The following ABCG5 variants were observed in gnomAD, a reference collection of about 807,000 sequenced individuals.
ABCG5 encodes ATP binding cassette subfamily G member 5, also known as ATP-binding cassette sub-family G member 5.
ABCG5 carries 64 observed loss-of-function variants against 64.5 expected under a neutral mutation model. The observed-to-expected ratio is 0.99, with a 90% confidence interval of 0.81 to 1.22. The LOEUF is 1.22. Ranked by LOEUF, ABCG5 falls within the 50% of genes most tolerant of loss-of-function variation. ABCG5 has a pLI of 0.00. For synonymous variants in ABCG5, 385 were observed against 326.3 expected, an observed-to-expected ratio of 1.18 and a Z score of -1.94; for missense variants, 908 against 829.5, an observed-to-expected ratio of 1.09 and a Z score of -1.16.
chr2:43,810,491 A>G (rs773997133), downstream of ABCG5: 66 of 985,438 alleles, frequency 6.7e-5, no homozygotes, highest in Non-Finnish European at 8.0e-5. Context: ...TCCAATCTGT[A>G]GATGTGTGTA....
At chr2:43,839,088 C>G, upstream of ABCG5, 1 of 1,551,174 alleles carries the variant, frequency 6.4e-7, no homozygotes, top group Middle Eastern at 1.7e-4. Context: ...AGAGGGCTGC[C>G]GAAAGGGGCC....
intron 11 of ABCG5, among the ~76,000 whole-genome samples, chr2:43,816,223 G>T (rs1319648551): frequency 6.6e-6 from 1 of 152,214 alleles, no homozygotes; most frequent in Non-Finnish European, 1.5e-5. Context: ...GGCCTAATTG[G>T]TCCAAGGCCT....
rs759639887 is a variant in ABCG5, at chr2:43,837,998, T to C, written c.144-43A>G. On this transcript the variant is annotated intron_variant, in intron 1 of 12. Coordinates refer to ENST00000405322, the MANE Select transcript of ABCG5 (RefSeq NM_022436.3). ...GGAAGGCAAAGGCAGCTTGGGGCCC[T>C]GGAAGGGGCCACACCCAGGTCCCCA... 19 of 1,612,374 alleles carry C rather than the reference T, an allele frequency of 1.2e-5. No individual in the cohort carries two copies. The South Asian group carries it at 2.1e-4, about 18-fold the overall frequency.
At chr2:43,818,217 C>G (rs538904166) in intron 11 of ABCG5, among the ~76,000 whole-genome samples, 1 of 151,978 alleles carries the variant, frequency 6.6e-6, no homozygotes, top group Non-Finnish European at 1.5e-5. Flanking sequence ...TTTGGGAGGC[C>G]GAGGTGGGCG....
chr2:43,825,140 G>A (rs1667514887), intron 6 of ABCG5, 122 bp from the exon 7 acceptor site: 1 of 1,211,738 alleles, frequency 8.3e-7, no homozygotes, highest in Non-Finnish European at 1.2e-6. Context: ...AAGTCCTTAT[G>A]GGAAATGCAT....
intron 5 of ABCG5, 85 bp downstream of exon 5, chr2:43,827,898 G>A: frequency 5.1e-6 from 8 of 1,580,894 alleles, no homozygotes; most frequent in Non-Finnish European, 6.9e-6. Context: ...TCCAAATGAG[G>A]ACCGTGAAGA....
intron 10 of ABCG5, 87 bp from the exon 11 acceptor site, chr2:43,820,187 G>A: frequency 1.3e-6 from 2 of 1,486,178 alleles, no homozygotes; most frequent in Non-Finnish European, 1.8e-6. Flanking sequence ...TAAATCCTTT[G>A]TGGTGAGTGG....
upstream of ABCG5, chr2:43,838,903 G>A (rs1668452328): frequency 1.7e-6 from 2 of 1,169,456 alleles, no homozygotes; most frequent in African/African-American, 3.1e-5. The surrounding 1 kb of genome is among the most constrained non-coding windows in gnomAD (Gnocchi z 4.2). Flanking sequence ...TTTGTAGGTG[G>A]GCTTGCCAGC....
At chr2:43,837,357 G>A (rs559530865) in intron 2 of ABCG5, among the ~76,000 whole-genome samples, 1 of 152,224 alleles carries the variant, frequency 6.6e-6, no homozygotes, top group East Asian at 1.9e-4. Flanking sequence ...CTGGGCTCAA[G>A]CAATCCTCTC....
intron 9 of ABCG5, 112 bp from the exon 10 acceptor site, chr2:43,823,047 AG>A (rs1244510854): frequency 5.5e-6 from 8 of 1,454,818 alleles, no homozygotes; most frequent in East Asian, 2.5e-5. Context: ...AGGACCAGCT[AG>A]GGGGGTTCCC....
In ABCG5 at chr2:43,825,063, C is replaced by A. The variant is rs111587587; in HGVS notation, c.775-45G>T. The A allele has an allele frequency of 2.8e-3, 4,553 of 1,606,580 alleles. 109 individuals are homozygous for A. The African/African-American group carries it at 0.053, about 19-fold the overall frequency. ...AGTTAGTGTGTGATCACAAGGGTAG[C>A]GATGCACTTTGAATGTCTCTGGGAA... is the stretch of plus-strand genomic sequence containing the variant. On this transcript the variant is annotated intron_variant, in intron 6 of 12. Coordinates refer to ENST00000405322, the MANE Select transcript of ABCG5 (RefSeq NM_022436.3).
chr2:43,822,481 C>A (rs1047084280), intron 10 of ABCG5: 1 of 875,744 alleles, frequency 1.1e-6, no homozygotes, highest in Non-Finnish European at 1.4e-6. Context: ...CCCCCAGGCC[C>A]CCCCCCATGC....
At chr2:43,834,551 C>A (rs927182467) in intron 2 of ABCG5, among the ~76,000 whole-genome samples, 2 of 151,898 alleles carry the variant, frequency 1.3e-5, no homozygotes, top group Non-Finnish European at 2.9e-5. Flanking sequence ...AAAAATGTGT[C>A]AAGTATTTGT....
At chr2:43,830,858 T>C (rs1667910530) in intron 4 of ABCG5, among the ~76,000 whole-genome samples, 1 of 152,234 alleles carries the variant, frequency 6.6e-6, no homozygotes, top group South Asian at 2.1e-4. Flanking sequence ...AAGAAAGAGA[T>C]TGGAACCTAG....
Position 43,826,260 on chromosome 2 carries a change from A to G in ABCG5, c.774+122T>C, listed in dbSNP as rs182286955. On this transcript the variant is annotated intron_variant, in intron 6 of 12. Coordinates refer to ENST00000405322, the MANE Select transcript of ABCG5 (RefSeq NM_022436.3). ...AGTGCTCCTCCTGCCTCAGCCTCCC[A>G]AAGTGCTGGAATTACAAGTGTGAGC... The G allele has an allele frequency of 3.2e-5, 47 of 1,482,394 alleles. No individual in the cohort carries two copies. In the East Asian group the frequency reaches 1.1e-3, roughly 34 times the overall value. 91.8% of individuals were successfully genotyped at this position (1,482,394 alleles called of 1,614,324 possible).
At chr2:43,833,463 A>G (rs1344013570) in intron 2 of ABCG5, among the ~76,000 whole-genome samples, 2 of 150,818 alleles carry the variant, frequency 1.3e-5, no homozygotes, top group African/African-American at 2.4e-5. Context: ...GCTCACTGCA[A>G]CCTCCACCTC....
intron 11 of ABCG5, among the ~76,000 whole-genome samples, chr2:43,816,982 C>G (rs1454432003): frequency 1.3e-5 from 2 of 152,134 alleles, no homozygotes; most frequent in African/African-American, 4.8e-5. Context: ...AGGGAGCCAA[C>G]AGCACAAATG....
At chr2:43,837,035 GA>G (rs148765563) in intron 2 of ABCG5, among the ~76,000 whole-genome samples, 6 of 136,888 alleles carry the variant, frequency 4.4e-5, no homozygotes, top group African/African-American at 1.6e-4. Context: ...TCTCAAAAAA[GA>G]AAAAAAAAGA....
intron 9 of ABCG5, 152 bp downstream of exon 9, chr2:43,823,761 C>A: frequency 1.2e-6 from 1 of 803,860 alleles, no homozygotes; most frequent in South Asian, 1.9e-5. Context: ...GTTGGTAACT[C>A]AATAGTTGCC....
Sources: allele counts gnomAD v4.1 joint callset (sites outside exome capture counted in the v4.1 genomes callset), GRCh38; gene constraint gnomAD v4.1.1; non-coding constraint Gnocchi (gnomAD v3.1); transcripts MANE v1.5; gene names NCBI Gene and HGNC (gene_info 2026-07-23, HGNC 2026-07-21).